SARDH: variants seen among roughly 807,000 people sequenced by gnomAD.
SARDH encodes the protein sarcosine dehydrogenase, mitochondrial.
A neutral mutation model predicts 109.1 loss-of-function variants in SARDH; 95 were observed. The ratio of observed to expected loss-of-function variants is 0.87; its 90% CI spans 0.74 to 1.03. The LOEUF (loss-of-function observed/expected upper bound fraction) is 1.03. SARDH is among the 50% of genes least tolerant of loss of function. The pLI, the probability that SARDH is intolerant of heterozygous loss-of-function variation, is 0.00. For missense variants in SARDH, 1,267 were observed against 1,287.8 expected (o/e 0.98, Z 0.25); for synonymous variants, 572 against 534.8 (o/e 1.07, Z -0.96).
chr9:133,700,965 G>T (rs1436372173), intron 13 of SARDH, among the ~76,000 whole-genome samples: 2 of 152,198 alleles, frequency 1.3e-5, no homozygotes, highest in African/African-American at 4.8e-5. Flanking sequence ...AACAGCTGCC[G>T]TGTGTCGGGA....
chr9:133,665,067 G>A (rs569463832), intron 20 of SARDH, among the ~76,000 whole-genome samples: 5 of 151,998 alleles, frequency 3.3e-5, no homozygotes, highest in Admixed American at 2.0e-4. Flanking sequence ...GCTCTGGGGT[G>A]AGGTGGGTGT....
Position 133,670,710 on chromosome 9 carries a change from G to A in SARDH, c.2369C>T (p.Pro790Leu). 2 of 1,602,974 alleles carry A rather than the reference G, an allele frequency of 1.2e-6. No individual in the cohort carries two copies. The highest frequency in any genetic ancestry group is 1.7e-6 in the Non-Finnish European group (2 of 1,175,814). The change falls in exon 19 of 21, where the codon CCC becomes CTC. Residue 790 changes from proline (P) to leucine (L), a missense_variant. Physicochemically the swap from Pro to Leu is moderately conservative, Grantham distance 98. Coordinates refer to ENST00000439388, the MANE Select transcript of SARDH (RefSeq NM_001134707.2). Reference protein sequence around the residue: ...WHADLRPDDSPLEAGLAFTCK... With the variant: ...WHADLRPDDSLLEAGLAFTCK... ...GGTGAAGGCCAGGCCTGCCTCCAGG[G>A]GGCTGTCGTCTGGCCGCAGGTCCGC...
chr9:133,670,963 G>A (rs750509750), intron 18 of SARDH, among the ~76,000 whole-genome samples: 1 of 152,178 alleles, frequency 6.6e-6, no homozygotes, highest in Non-Finnish European at 1.5e-5. Flanking sequence ...CATCAGCACT[G>A]CAGCCCTCTG....
chr9:133,661,635 C>A (rs967512992), downstream of SARDH, among the ~76,000 whole-genome samples: 5 of 152,128 alleles, frequency 3.3e-5, no homozygotes, highest in Admixed American at 6.5e-5. Context: ...GCGTGTGCCA[C>A]CACGCCCAGC....
At chr9:133,708,163 C>T (rs1312174048) in intron 11 of SARDH, 124 bp downstream of exon 11, 10 of 1,166,646 alleles carry the variant, frequency 8.6e-6, no homozygotes, top group Non-Finnish European at 1.2e-5. Context: ...TGGGGAATGA[C>T]AGACACCTTG....
chr9:133,666,820 A>G lies in SARDH; in HGVS notation c.2546T>C (p.Val849Ala), dbSNP rs1830084289. 3.7e-6 allele frequency: 6 copies of G among 1,609,838 alleles called. No individual in the cohort carries two copies. Among genetic ancestry groups the G allele is most frequent in the Middle Eastern group, 3.3e-4 (2 of 6,080 alleles). The change falls in exon 20 of 21, where the codon GTG becomes GCG. Residue 849 changes from valine to alanine, a missense_variant. Coordinates refer to ENST00000439388, the MANE Select transcript of SARDH (RefSeq NM_001134707.2). This position sits in a 1 kb window ranked among gnomAD's most constrained non-coding sequence, Gnocchi z 5.2. ...LEAIWRNGQVVGHVRRADFGF... is the reference protein window; with the variant it reads ...LEAIWRNGQVAGHVRRADFGF... Reference sequence around the variant, plus strand: ...AAAGTCAGCCCTCCGGACATGGCCCACCACTTGGCCGTTCCTCCAGATGGC... The same window carrying G: ...AAAGTCAGCCCTCCGGACATGGCCCGCCACTTGGCCGTTCCTCCAGATGGC...
intron 14 of SARDH, 72 bp downstream of exon 14, chr9:133,696,151 C>T: frequency 6.3e-7 from 1 of 1,586,274 alleles, no homozygotes; most frequent in Non-Finnish European, 8.6e-7. Context: ...GGTGGCTTGC[C>T]AGCTCATCTC....
rs748355304 is a variant in SARDH, at chr9:133,693,808, C to T, written c.1921+450G>A. 2.0e-5 allele frequency among the ~76,000 whole-genome samples: 3 copies of T among 152,178 alleles called. No individual in the cohort carries two copies. Among genetic ancestry groups the T allele is most frequent in the Non-Finnish European group, 4.4e-5 (3 of 68,040 alleles). Reference sequence around the variant, plus strand: ...ACTGCAGCAGGCAATCAGGCATCAGCGTGGGCCCTGAACTGGACGTCTTCT... The same window carrying T: ...ACTGCAGCAGGCAATCAGGCATCAGTGTGGGCCCTGAACTGGACGTCTTCT... On this transcript the variant is annotated intron_variant, in intron 15 of 20. Transcript: ENST00000439388. The surrounding 1 kb of genome is among the most constrained non-coding windows in gnomAD (Gnocchi z 5.6).
At chr9:133,682,138 AC>A (rs1416303485) in intron 17 of SARDH, among the ~76,000 whole-genome samples, 1 of 152,090 alleles carries the variant, frequency 6.6e-6, no homozygotes, top group Non-Finnish European at 1.5e-5. Context: ...TACTGGGAGG[AC>A]GGTGTTCAAG....
intron 6 of SARDH, among the ~76,000 whole-genome samples, chr9:133,726,980 C>T (rs1281581390): frequency 6.6e-6 from 1 of 152,166 alleles, no homozygotes; most frequent in Non-Finnish European, 1.5e-5. Flanking sequence ...GGAACCAGAG[C>T]GGTGACAGAC....
rs890402353 is a variant in SARDH, at chr9:133,681,841, G to A, written c.2163+3352C>T. On this transcript the variant is annotated intron_variant, in intron 17 of 20. Coordinates refer to ENST00000439388, the MANE Select transcript of SARDH (RefSeq NM_001134707.2). ...CTTATGCGTGTAGCACCTCCCCGCC[G>A]CCTATTTCCTGTGTCCCCACGATCG... is the stretch of plus-strand genomic sequence containing the variant. 1.2e-4 allele frequency among the ~76,000 whole-genome samples: 19 copies of A among 152,222 alleles called. 1 individual carries two copies. The highest frequency in any genetic ancestry group is 2.9e-4 in the African/African-American group (12 of 41,524).
rs1832215506 is a variant in SARDH, at chr9:133,718,681, C to T, written c.1020+257G>A. ...CTCTCATGCCCTTCTGAGGTCATCACTCCACACTGCGCAGACCTTCTCTGT... is the reference window on the plus strand; with the variant it reads ...CTCTCATGCCCTTCTGAGGTCATCATTCCACACTGCGCAGACCTTCTCTGT... On this transcript the variant is annotated intron_variant, in intron 7 of 20. Coordinates refer to ENST00000439388, the MANE Select transcript of SARDH (RefSeq NM_001134707.2). This position sits in a 1 kb window ranked among gnomAD's most constrained non-coding sequence, Gnocchi z 4.2. The T allele has an allele frequency of 1.3e-6, 1 of 779,536 alleles. No individual in the cohort carries two copies. Among genetic ancestry groups the T allele is most frequent in the Non-Finnish European group, 2.4e-6 (1 of 418,000 alleles). 48.3% of individuals were successfully genotyped at this position (779,536 alleles called of 1,614,324 possible).
chr9:133,662,923 G>C (rs1158161582), downstream of SARDH, among the ~76,000 whole-genome samples: 1 of 152,216 alleles, frequency 6.6e-6, no homozygotes, highest in Non-Finnish European at 1.5e-5. The surrounding 1 kb of genome is among the most constrained non-coding windows in gnomAD (Gnocchi z 5.1). Flanking sequence ...GGCAGGAGAG[G>C]CAGAGCTGCT....
At chr9:133,713,474 T>C (rs558009769) in intron 8 of SARDH, among the ~76,000 whole-genome samples, 2 of 152,354 alleles carry the variant, frequency 1.3e-5, no homozygotes, top group East Asian at 3.9e-4. Flanking sequence ...AGCGTCCTGC[T>C]GTGTCCCTGC....
intron 14 of SARDH, 28 bp from the exon 15 acceptor site, chr9:133,694,399 T>C (rs1047837331): frequency 4.6e-6 from 7 of 1,528,032 alleles, no homozygotes; most frequent in African/African-American, 4.1e-5. Context: ...AAGCCGGGTC[T>C]GTGCTGAGGC....
In SARDH at chr9:133,666,029, G is replaced by A. The variant is rs1459051760; in HGVS notation, c.2631+706C>T. Among the ~76,000 whole-genome samples the A allele has an allele frequency of 6.6e-6, 1 of 152,188 alleles. No individual in the cohort carries two copies. The highest frequency in any genetic ancestry group is 2.4e-5 in the African/African-American group (1 of 41,440). The stretch of plus-strand genomic sequence containing the variant: ...GGTAGAGACCACCCCTTCCCCTTCT[G>A]GGGAGGCTGCCCACCCCCTGCCCCA... On this transcript the variant is annotated intron_variant, in intron 20 of 20. Transcript: ENST00000439388. The surrounding 1 kb of genome is among the most constrained non-coding windows in gnomAD (Gnocchi z 5.2).
In SARDH at chr9:133,704,117, CAGG is replaced by C. The variant is rs985892699; in HGVS notation, c.1554+828_1554+830del. Reference sequence around the variant, plus strand: ...AGGACGGCATGTCCCTAGGGGCCAGCAGGAGAAGAGACGATGACCTGCAAGGCT... The same window carrying C: ...AGGACGGCATGTCCCTAGGGGCCAGCAGAAGAGACGATGACCTGCAAGGCT... On this transcript the variant is annotated intron_variant, in intron 12 of 20. Coordinates refer to ENST00000439388, the MANE Select transcript of SARDH (RefSeq NM_001134707.2). The surrounding 1 kb of genome is among the most constrained non-coding windows in gnomAD (Gnocchi z 4.5). Among the ~76,000 whole-genome samples, 17 of 152,090 alleles carry C rather than the reference CAGG, an allele frequency of 1.1e-4. No homozygotes were observed. Among genetic ancestry groups the C allele is most frequent in the Non-Finnish European group, 1.8e-4 (12 of 68,004 alleles).
chr9:133,691,124 G>A (rs1361197928), intron 15 of SARDH, among the ~76,000 whole-genome samples: 1 of 150,744 alleles, frequency 6.6e-6, no homozygotes, highest in African/African-American at 2.4e-5. Flanking sequence ...TTTCTGGATG[G>A]AATCCTCAGC....
chr9:133,682,027 C>T (rs998397346), intron 17 of SARDH, among the ~76,000 whole-genome samples: 1 of 152,144 alleles, frequency 6.6e-6, no homozygotes, highest in Non-Finnish European at 1.5e-5. Flanking sequence ...TACGGAAGGA[C>T]AGAGAAGAAC....
Sources: gnomAD v4.1 joint callset for allele counts (sites outside exome capture counted in the v4.1 genomes callset) on GRCh38, gnomAD v4.1.1 for gene constraint, Gnocchi (gnomAD v3.1) non-coding constraint, MANE v1.5 for transcripts, NCBI Gene and HGNC (gene_info 2026-07-23, HGNC 2026-07-21) for gene names.